The following SLC35D4 variants were observed in gnomAD, a reference collection of about 807,000 sequenced individuals.
SLC35D4 encodes the protein UDP-N-acetylglucosamine transporter SLC35D4.
At chr18:23,393,019 G>A in the SLC35D4 span, among the ~76,000 whole-genome samples, 1 of 151,934 alleles carries the variant, frequency 6.6e-6, no homozygotes, top group Non-Finnish European at 1.5e-5. Flanking sequence ...GGGTTCAAGC[G>A]ATTCTTCTGC....
chr18:23,368,839 CT>C, the SLC35D4 span: 2 of 830,626 alleles, frequency 2.4e-6, no homozygotes, highest in East Asian at 2.9e-5. Context: ...CTAATAAATT[CT>C]ATTTTAGTTA....
At chr18:23,373,263 T>C in the SLC35D4 span, among the ~76,000 whole-genome samples, 1 of 152,194 alleles carries the variant, frequency 6.6e-6, no homozygotes, top group East Asian at 1.9e-4. Context: ...TGCAGTGAGC[T>C]GAGATCGTGC....
the SLC35D4 span, among the ~76,000 whole-genome samples, chr18:23,281,361 C>A: frequency 6.6e-6 from 1 of 152,110 alleles, no homozygotes; most frequent in Admixed American, 6.5e-5. Context: ...CTTGTTCTGT[C>A]ACCCAGGATG....
At chr18:23,293,501 C>T in the SLC35D4 span, among the ~76,000 whole-genome samples, 3 of 152,194 alleles carry the variant, frequency 2.0e-5, no homozygotes, top group Non-Finnish European at 2.9e-5. Context: ...CCAGTGTGTT[C>T]TTACACTTAC....
chr18:23,255,243 C>A, the SLC35D4 span, among the ~76,000 whole-genome samples: 1 of 152,000 alleles, frequency 6.6e-6, no homozygotes, highest in Non-Finnish European at 1.5e-5. Context: ...AAGGGCAGTC[C>A]CTCTAGAGTC....
At chr18:23,395,234 C>T in the SLC35D4 span, among the ~76,000 whole-genome samples, 1 of 152,280 alleles carries the variant, frequency 6.6e-6, no homozygotes, top group Admixed American at 6.5e-5. Context: ...CATTTACACT[C>T]TTCCTTTGTG....
chr18:23,371,456 T>G, the SLC35D4 span: 6 of 1,596,992 alleles, frequency 3.8e-6, no homozygotes, highest in Non-Finnish European at 5.1e-6. Flanking sequence ...CCCAAAAATA[T>G]CCATCTGGAT....
At chr18:23,388,532 G>A in the SLC35D4 span, among the ~76,000 whole-genome samples, 1 of 152,120 alleles carries the variant, frequency 6.6e-6, no homozygotes, top group Non-Finnish European at 1.5e-5. Flanking sequence ...GAGTTGTGAC[G>A]CACAAATTAT....
At chr18:23,434,593 C>T in the SLC35D4 span, among the ~76,000 whole-genome samples, 1 of 152,218 alleles carries the variant, frequency 6.6e-6, no homozygotes, top group South Asian at 2.1e-4. Flanking sequence ...GAGTTAAAAA[C>T]TAGCCTGAGT....
At chr18:23,275,663 T>C in the SLC35D4 span, among the ~76,000 whole-genome samples, 1 of 149,316 alleles carries the variant, frequency 6.7e-6, no homozygotes, top group East Asian at 2.0e-4. Flanking sequence ...TGTGCTTTGT[T>C]TGGGGACTTG....
the SLC35D4 span, among the ~76,000 whole-genome samples, chr18:23,406,811 C>T: frequency 1.3e-5 from 2 of 151,998 alleles, no homozygotes; most frequent in Non-Finnish European, 2.9e-5. Context: ...TTTTTCTTTT[C>T]TTTATTTATT....
chr18:23,274,953 ATG>A, the SLC35D4 span, among the ~76,000 whole-genome samples: 1 of 149,574 alleles, frequency 6.7e-6, no homozygotes, highest in Non-Finnish European at 1.5e-5. Flanking sequence ...GTGAGTGTAT[ATG>A]TGTGCTTGTG....
the SLC35D4 span, among the ~76,000 whole-genome samples, chr18:23,243,699 C>CCT: frequency 1.3e-5 from 2 of 151,586 alleles, no homozygotes; most frequent in Non-Finnish European, 2.9e-5. Flanking sequence ...ATGGCAAAAC[C>CCT]GTCTCTACTA....
At chr18:23,372,016 A>G in the SLC35D4 span, among the ~76,000 whole-genome samples, 1 of 125,260 alleles carries the variant, frequency 8.0e-6, no homozygotes. Context: ...GCTCACTGCA[A>G]GCTCCGCCTC....
At chr18:23,430,735 T>C in the SLC35D4 span, 21 of 1,461,238 alleles carry the variant, frequency 1.4e-5, no homozygotes, top group African/African-American at 2.8e-5. Flanking sequence ...TGACAAACCA[T>C]ATAATCAAAG....
the SLC35D4 span, among the ~76,000 whole-genome samples, chr18:23,374,589 G>A: frequency 6.6e-6 from 1 of 151,360 alleles, no homozygotes; most frequent in African/African-American, 2.4e-5. Context: ...GGGTTCAAGC[G>A]ATTCTCCTGC....
the SLC35D4 span, chr18:23,399,602 A>G: frequency 6.2e-7 from 1 of 1,613,882 alleles, no homozygotes; most frequent in African/African-American, 1.3e-5. Flanking sequence ...CATAGATTAT[A>G]CCCACAAACA....
At chr18:23,393,213 C>T in the SLC35D4 span, among the ~76,000 whole-genome samples, 584 of 152,124 alleles carry the variant, frequency 3.8e-3, 28 homozygotes, top group East Asian at 0.087. Context: ...CCGAGCCTGG[C>T]CTAGATTATT....
the SLC35D4 span, among the ~76,000 whole-genome samples, chr18:23,240,117 CAACAA>C: frequency 6.6e-6 from 1 of 152,070 alleles, no homozygotes; most frequent in Non-Finnish European, 1.5e-5. Context: ...GACCCTGTCT[CAACAA>C]AACAAAACAA....
Sources: allele counts gnomAD v4.1 joint callset (sites outside exome capture counted in the v4.1 genomes callset), GRCh38; gene constraint gnomAD v4.1.1; transcripts MANE v1.5; gene names NCBI Gene and HGNC (gene_info 2026-07-23, HGNC 2026-07-21).